Variants in GALNT9 observed in about 807,000 individuals in gnomAD.
GALNT9 encodes GalNAc transferase 9.
In GALNT9, 47 loss-of-function variants were observed where a neutral mutation model predicts 63.1. The ratio of observed to expected loss-of-function variants is 0.75; its 90% CI spans 0.59 to 0.95. GALNT9 has a LOEUF of 0.95. Ranked by LOEUF, GALNT9 falls within the 40% of genes least tolerant of loss-of-function variation. The pLI is 0.00. For missense variants in GALNT9, 829 were observed against 874.8 expected, an observed-to-expected ratio of 0.95 and a Z score of 0.66; for synonymous variants, 396 against 365.7, an observed-to-expected ratio of 1.08 and a Z score of -0.94.
chr12:132,220,678 G>T (rs1007536437), intron 6 of GALNT9, among the ~76,000 whole-genome samples: 7 of 152,146 alleles, frequency 4.6e-5, no homozygotes, highest in Non-Finnish European at 1.0e-4. Context: ...AGGAGACATC[G>T]GCAACCCTGA....
rs145374424 is a variant in GALNT9 at position 132,247,175 on chromosome 12, G to A, written c.1077+735C>T. 7.3e-3 allele frequency among the ~76,000 whole-genome samples: 1,101 copies of A among 150,758 alleles called. 15 individuals are homozygous for A. Among genetic ancestry groups the A allele is most frequent in the African/African-American group, 0.024 (966 of 40,980 alleles). On this transcript the variant is annotated intron_variant, in intron 6 of 10. Transcript: ENST00000328957. ...ACACGGTCCCGGGAGGCAGAAGCCC[G>A]GCCCAGCTCAGAGCCTCACACAGAC...
At chr12:132,198,252 G>A (rs531460814) in intron 9 of GALNT9, among the ~76,000 whole-genome samples, 6 of 152,368 alleles carry the variant, frequency 3.9e-5, no homozygotes, top group South Asian at 2.1e-4. Flanking sequence ...CCCAGAGCGC[G>A]GCCCCACTCG....
intron 1 of GALNT9, among the ~76,000 whole-genome samples, chr12:132,323,318 C>T (rs1868886719): frequency 6.6e-6 from 1 of 152,228 alleles, no homozygotes; most frequent in Non-Finnish European, 1.5e-5. Context: ...TGGGTCGTTC[C>T]TAGAAGCTCG....
intron 2 of GALNT9, chr12:132,283,924 G>A (rs1405735976): frequency 2.0e-5 from 3 of 152,198 alleles, no homozygotes; most frequent in African/African-American, 7.2e-5. Context: ...GGACCGTCAA[G>A]GTGGTCTCGG....
rs764128108 is a variant in GALNT9 at position 132,202,351 on chromosome 12, C to T, written c.1264-1090G>A. On this transcript the variant is annotated intron_variant, in intron 7 of 10. Transcript: ENST00000328957. ...AGCACCGGGTACCCTCTTCTCGTCT[C>T]TCAGACACGAGTGCACGTGTCTACG... 3.9e-5 allele frequency among the ~76,000 whole-genome samples: 6 copies of T among 152,316 alleles called. No homozygotes were observed. The South Asian group carries it at 8.3e-4, about 21-fold the overall frequency.
intron 6 of GALNT9, among the ~76,000 whole-genome samples, chr12:132,210,502 G>A (rs1338153136): frequency 6.6e-6 from 1 of 152,178 alleles, no homozygotes; most frequent in Non-Finnish European, 1.5e-5. Context: ...GGAGGACTGA[G>A]TGGGGCCATG....
intron 6 of GALNT9, among the ~76,000 whole-genome samples, chr12:132,209,694 G>C (rs568826250): frequency 6.6e-6 from 1 of 152,258 alleles, no homozygotes; most frequent in East Asian, 1.9e-4. Context: ...CCAGCACCAA[G>C]ACAGTTCACA....
At chr12:132,264,841 A>C (rs1879539531) in intron 2 of GALNT9, among the ~76,000 whole-genome samples, 2 of 152,322 alleles carry the variant, frequency 1.3e-5, no homozygotes, top group Admixed American at 6.5e-5. Flanking sequence ...ACCAGCCGTC[A>C]GCAGATGTTC....
intron 6 of GALNT9, among the ~76,000 whole-genome samples, chr12:132,215,075 C>A (rs1380743988): frequency 6.6e-6 from 1 of 152,228 alleles, no homozygotes; most frequent in Non-Finnish European, 1.5e-5. Flanking sequence ...CGCTGTCCTG[C>A]CCGTTTAAGG....
intron 1 of GALNT9, among the ~76,000 whole-genome samples, chr12:132,309,998 G>A (rs571545985): frequency 6.6e-6 from 1 of 152,380 alleles, no homozygotes; most frequent in South Asian, 2.1e-4. Flanking sequence ...CACCCAGTCA[G>A]CAAGACTCGA....
chr12:132,323,047 G>A (rs1555246268), intron 1 of GALNT9, among the ~76,000 whole-genome samples: 1 of 152,244 alleles, frequency 6.6e-6, no homozygotes. Context: ...CCCTTCACAG[G>A]CATCTGTGCT....
Position 132,197,078 on chromosome 12 carries a change from G to C in GALNT9, c.*29C>G. On this transcript the variant is annotated 3_prime_UTR_variant, in exon 11 of 11. Transcript: ENST00000328957. ...CTGGCTCGGCCCAGCGCCTTCCCGA[G>C]GTCTGTGGGGGTCCGGGCGGAGGTG... The C allele has an allele frequency of 1.9e-6, 3 of 1,612,228 alleles. No homozygotes were observed. Among genetic ancestry groups the C allele is most frequent in the Non-Finnish European group, 2.5e-6 (3 of 1,178,836 alleles).
chr12:132,295,041 G>A (rs1176383585), intron 1 of GALNT9, among the ~76,000 whole-genome samples: 3 of 152,252 alleles, frequency 2.0e-5, no homozygotes, highest in South Asian at 2.1e-4. Context: ...CAGGGCTCAA[G>A]ACCAAATCCC....
chr12:132,329,320 G>A lies in GALNT9; in HGVS notation c.-117C>T, dbSNP rs1869196086. The A allele has an allele frequency of 4.3e-6, 6 of 1,408,016 alleles. No individual in the cohort carries two copies. The highest frequency in any genetic ancestry group is 9.3e-7 in the Non-Finnish European group (1 of 1,071,428). The allele number at this position is 1,408,016 out of a possible 1,614,324, so 87.2% of individuals were successfully genotyped here. A position where few individuals can be genotyped will look rare whatever the true frequency, so the allele number is the denominator to read the frequency against. ...CCGCCCGGGGCTGCGGGGGCTGCGG[G>A]GCTCGGCCGGAGCTGTCCCTTCAGC... On this transcript the variant is annotated 5_prime_UTR_variant, in exon 1 of 11. Transcript: ENST00000328957.
chr12:132,328,565 G>C (rs940462469), intron 1 of GALNT9, among the ~76,000 whole-genome samples: 17 of 152,202 alleles, frequency 1.1e-4, no homozygotes, highest in African/African-American at 4.1e-4. Flanking sequence ...CCACCTTCAA[G>C]AGTGGAGGGG....
chr12:132,204,066 G>C (rs1166966755), intron 6 of GALNT9, among the ~76,000 whole-genome samples: 1 of 145,394 alleles, frequency 6.9e-6, no homozygotes, highest in East Asian at 2.1e-4. Flanking sequence ...ACCTCCCCCA[G>C]CACCCGAACA....
chr12:132,240,015 C>T (rs1878181969), intron 6 of GALNT9, among the ~76,000 whole-genome samples: 2 of 152,044 alleles, frequency 1.3e-5, no homozygotes, highest in Non-Finnish European at 2.9e-5. Context: ...GAGTGGCTCC[C>T]CAACCCAGGC....
intron 1 of GALNT9, among the ~76,000 whole-genome samples, chr12:132,293,842 G>A (rs891494777): frequency 2.6e-5 from 4 of 151,678 alleles, no homozygotes; most frequent in South Asian, 2.1e-4. Flanking sequence ...GGGGGATCCC[G>A]TGTAGAGTCA....
chr12:132,212,986 C>T (rs112273764), intron 6 of GALNT9, among the ~76,000 whole-genome samples: 10 of 146,904 alleles, frequency 6.8e-5, no homozygotes, highest in Admixed American at 2.0e-4. Flanking sequence ...CCCGGGTCTA[C>T]AGCCTTGAGA....
Sources: allele counts gnomAD v4.1 joint callset (sites outside exome capture counted in the v4.1 genomes callset), GRCh38; gene constraint gnomAD v4.1.1; transcripts MANE v1.5; gene names NCBI Gene and HGNC (gene_info 2026-07-23, HGNC 2026-07-21).